Variants in IL12RB1 observed in about 807,000 individuals in gnomAD.
The protein encoded by IL12RB1 is interleukin 12 receptor subunit beta 1.
In IL12RB1, 64 loss-of-function variants were observed where a neutral mutation model predicts 94.4. The observed-to-expected ratio is 0.68, with a 90% confidence interval of 0.55 to 0.83. IL12RB1 has a LOEUF of 0.83. Among genes scored for constraint, IL12RB1 ranks in the 40% least tolerant of loss-of-function variants. The probability of loss-of-function intolerance (pLI) is 0.00; values close to 1 mark genes in which losing one functional copy is unlikely to be tolerated. For missense variants in IL12RB1, 814 were observed against 855.6 expected, an observed-to-expected ratio of 0.95 and a Z score of 0.61; for synonymous variants, 362 against 355.5, an observed-to-expected ratio of 1.02 and a Z score of -0.21.
In IL12RB1 at chr19:18,082,254, C is replaced by T. The variant is rs755140822; in HGVS notation, c.135G>A (p.Ser45=). The T allele has an allele frequency of 3.0e-5, 48 of 1,606,434 alleles. No homozygotes were observed. The Middle Eastern group carries it at 1.6e-3, about 55-fold the overall frequency. ...PYPDADSGSA[S]GPRDLRCYRI... ...GATAGCATCTCAGGTCCCTAGGGCC[C>T]GAGGCCGAGCCTGGAAGAGATCCTG... The change falls in exon 3 of 17, where the codon TCG becomes TCA. Residue 45 remains serine, a synonymous_variant. Transcript: ENST00000593993.
intron 13 of IL12RB1, among the ~76,000 whole-genome samples, chr19:18,063,443 A>G (rs1416788124): frequency 6.6e-6 from 1 of 151,832 alleles, no homozygotes; most frequent in Non-Finnish European, 1.5e-5. Flanking sequence ...TTGTCGCTCA[A>G]TGAACAGATT....
chr19:18,059,553 C>G lies in IL12RB1; in HGVS notation c.*55G>C, dbSNP rs561622044. 2 of 776,556 alleles carry G rather than the reference C, an allele frequency of 2.6e-6. No individual in the cohort carries two copies. The highest frequency in any genetic ancestry group is 1.7e-5 in the African/African-American group (1 of 59,198). 48.1% of individuals were successfully genotyped at this position (776,556 alleles called of 1,614,324 possible). On this transcript the variant is annotated 3_prime_UTR_variant, in exon 17 of 17. Coordinates refer to ENST00000593993, the MANE Select transcript of IL12RB1 (RefSeq NM_005535.3). ...GGTTATTTGGGTCCAAATGTGACTC[C>G]TGTGTGTGCTACGTAGCCTCGGGCG... is the stretch of plus-strand genomic sequence containing the variant.
chr19:18,072,385 G>T (rs778254603), intron 8 of IL12RB1, 36 bp from the exon 9 acceptor site: 1 of 1,344,722 alleles, frequency 7.4e-7, no homozygotes, highest in South Asian at 1.2e-5. Flanking sequence ...GTGGGTACCT[G>T]ATCACACTCA....
chr19:18,069,227 C>T (rs2034827122), intron 10 of IL12RB1, among the ~76,000 whole-genome samples: 1 of 152,202 alleles, frequency 6.6e-6, no homozygotes, highest in Admixed American at 6.6e-5. Context: ...ATTAATTTGC[C>T]ACCAGCATCT....
In IL12RB1 at chr19:18,080,862, G is replaced by C; in HGVS notation, c.379C>G (p.Pro127Ala). 6.2e-7 allele frequency: 1 copy of C among 1,612,332 alleles called. No homozygotes were observed. Among genetic ancestry groups the C allele is most frequent in the Admixed American group, 1.7e-5 (1 of 60,006 alleles). The change falls in exon 4 of 17, where the codon CCT becomes GCT. Residue 127 changes from proline to alanine, a missense_variant. Transcript: ENST00000593993. ...SWARNQTEKS[P>A]EVTLQLYNSV... Reference sequence around the variant, plus strand: ...TTGTAGAGCTGCAGGGTCACCTCAGGAGACTTCTCTGTCTGGTTCCTGGCC... The same window carrying C: ...TTGTAGAGCTGCAGGGTCACCTCAGCAGACTTCTCTGTCTGGTTCCTGGCC...
chr19:18,076,166 A>C (rs2035462128), intron 6 of IL12RB1, 131 bp downstream of exon 6: 2 of 725,174 alleles, frequency 2.8e-6, no homozygotes, highest in Admixed American at 2.0e-5. Context: ...TTTGGAAAGA[A>C]TCCAATACTG....
At chr19:18,098,294 G>A (rs2037183154) in intron 1 of IL12RB1, among the ~76,000 whole-genome samples, 1 of 152,120 alleles carries the variant, frequency 6.6e-6, no homozygotes, top group Non-Finnish European at 1.5e-5. Flanking sequence ...GGGCTGTCAG[G>A]CGCCCATTTG....
chr19:18,097,362 T>C (rs2037034676), intron 1 of IL12RB1, among the ~76,000 whole-genome samples: 1 of 151,888 alleles, frequency 6.6e-6, no homozygotes, highest in African/African-American at 2.4e-5. Flanking sequence ...TTTGTTTTGT[T>C]TTGGTTTTTT....
upstream of IL12RB1, among the ~76,000 whole-genome samples, chr19:18,089,684 T>C (rs2036546337): frequency 6.7e-6 from 1 of 150,014 alleles, no homozygotes; most frequent in African/African-American, 2.5e-5. Flanking sequence ...AAAAAAGAAA[T>C]ATTCTTAGAG....
chr19:18,076,365 T>C, intron 5 of IL12RB1, 38 bp from the exon 6 acceptor site: 1 of 1,103,006 alleles, frequency 9.1e-7, no homozygotes, highest in Non-Finnish European at 1.4e-6. Flanking sequence ...TTTTGCATTT[T>C]GGTGCTGAAA....
intron 1 of IL12RB1, among the ~76,000 whole-genome samples, chr19:18,086,114 T>G (rs2036316205): frequency 6.6e-6 from 1 of 151,880 alleles, no homozygotes; most frequent in Non-Finnish European, 1.5e-5. Context: ...TCCCAGCTAC[T>G]CAAGGGGCTA....
chr19:18,084,575 A>G (rs1438761062), intron 1 of IL12RB1, among the ~76,000 whole-genome samples: 4 of 150,254 alleles, frequency 2.7e-5, no homozygotes, highest in African/African-American at 4.9e-5. Context: ...CTAGTCACCA[A>G]TCTATCCATC....
At chr19:18,082,952 G>T (rs17879281) in intron 2 of IL12RB1, among the ~76,000 whole-genome samples, 58,635 of 151,494 alleles carry the variant, frequency 0.39, 12,253 homozygotes, top group South Asian at 0.59. Context: ...GTGTGGTGGC[G>T]GGCACCTGTA....
At chr19:18,096,130 G>T (rs1040354116) in intron 1 of IL12RB1, among the ~76,000 whole-genome samples, 3 of 152,056 alleles carry the variant, frequency 2.0e-5, no homozygotes, top group African/African-American at 7.2e-5. Flanking sequence ...CTGGGAGCTG[G>T]GGTATGGGGG....
chr19:18,086,767 C>T lies in IL12RB1; in HGVS notation c.57G>A (p.Arg19=), dbSNP rs577207695. Residue 19 remains arginine (R), a synonymous_variant, in exon 1 of 17, where the codon AGG becomes AGA. Coordinates refer to ENST00000593993, the MANE Select transcript of IL12RB1 (RefSeq NM_005535.3). ...CAGGGTCAGGGGACTCACCGCCCTGCCTGGACAGCAGGAAGAGGAAGAGGA... is the reference window on the plus strand; with the variant it reads ...CAGGGTCAGGGGACTCACCGCCCTGTCTGGACAGCAGGAAGAGGAAGAGGA... ...VPLLFLFLLS[R]QGAACRTSEC... 12 of 1,610,522 alleles carry T rather than the reference C, an allele frequency of 7.5e-6. No individual in the cohort carries two copies. The South Asian group carries it at 1.2e-4, about 16-fold the overall frequency.
At chr19:18,086,654 G>A in intron 1 of IL12RB1, 106 bp downstream of exon 1, 1 of 1,073,274 alleles carries the variant, frequency 9.3e-7, no homozygotes, top group Non-Finnish European at 1.4e-6. Flanking sequence ...AAAGACTGAG[G>A]CACAGAGAGA....
chr19:18,069,563 G>C lies in IL12RB1; in HGVS notation c.1172C>G (p.Pro391Arg), dbSNP rs140254802. ...ATCSLTAPQD[P>R]DPAGMATYSW... ...GCCATTACCCATTCCAGCCGGATCC[G>C]GGTCTTGCGGCGCAGTCAGGCTGCA... Residue 391 changes from proline to arginine, a missense_variant, in exon 10 of 17, where the codon CCG becomes CGG. Pro to Arg is a moderately radical substitution (Grantham distance 103, BLOSUM62 -2). Coordinates refer to ENST00000593993, the MANE Select transcript of IL12RB1 (RefSeq NM_005535.3). The C allele has an allele frequency of 6.2e-7, 1 of 1,610,120 alleles. No homozygotes were observed. The highest frequency in any genetic ancestry group is 8.5e-7 in the Non-Finnish European group (1 of 1,179,714).
chr19:18,075,435 AT>A (rs1403654689), intron 7 of IL12RB1, among the ~76,000 whole-genome samples: 1 of 150,484 alleles, frequency 6.6e-6, no homozygotes, highest in Non-Finnish European at 1.5e-5. Flanking sequence ...TAATTTTCGT[AT>A]TTTTAGTAGA....
chr19:18,097,829 C>T, intron 1 of IL12RB1: 1 of 1,228,542 alleles, frequency 8.1e-7, no homozygotes, highest in Non-Finnish European at 1.0e-6. Flanking sequence ...CCGCGGGCTC[C>T]AGGTGAGGCC....
Sources: allele counts gnomAD v4.1 joint callset (sites outside exome capture counted in the v4.1 genomes callset), GRCh38; gene constraint gnomAD v4.1.1; transcripts MANE v1.5; gene names NCBI Gene and HGNC (gene_info 2026-07-23, HGNC 2026-07-21).